Variants in CEP128 observed in about 807,000 individuals in gnomAD.
CEP128 encodes the protein centrosomal protein 128kDa.
CEP128 carries 132 observed loss-of-function variants against 156.7 expected under a neutral mutation model. The ratio of observed to expected loss-of-function variants is 0.84; its 90% CI spans 0.73 to 0.97. The LOEUF is 0.97. Ranked by LOEUF, CEP128 falls within the 50% of genes least tolerant of loss-of-function variation. The pLI is 0.00. For missense variants in CEP128, 1,252 were observed against 1,281.9 expected, an observed-to-expected ratio of 0.98 and a Z score of 0.36; for synonymous variants, 469 against 448.9, an observed-to-expected ratio of 1.04 and a Z score of -0.57.
intron 19 of CEP128, among the ~76,000 whole-genome samples, chr14:80,685,474 G>A (rs1259771938): frequency 2.6e-5 from 4 of 152,072 alleles, no homozygotes; most frequent in Non-Finnish European, 5.9e-5. Context: ...AACATTCCAT[G>A]CTCATGAATT....
intron 19 of CEP128, among the ~76,000 whole-genome samples, chr14:80,615,691 A>G (rs564390845): frequency 4.3e-4 from 65 of 152,260 alleles, no homozygotes; most frequent in Non-Finnish European, 7.2e-4. Flanking sequence ...TCTACTAAAA[A>G]TACAAAAATT....
intron 14 of CEP128, among the ~76,000 whole-genome samples, chr14:80,789,000 G>C (rs1276666727): frequency 6.6e-6 from 1 of 152,118 alleles, no homozygotes. Flanking sequence ...GAATGGATAG[G>C]GGGAGGCAGG....
At chr14:80,503,112 T>C (rs917951230) in intron 24 of CEP128, among the ~76,000 whole-genome samples, 1 of 152,040 alleles carries the variant, frequency 6.6e-6, no homozygotes, top group African/African-American at 2.4e-5. Flanking sequence ...ACAAGAAAAA[T>C]AGTAAAACAA....
chr14:80,609,768 G>C (rs574312875), intron 19 of CEP128, among the ~76,000 whole-genome samples: 1 of 151,396 alleles, frequency 6.6e-6, no homozygotes, highest in African/African-American at 2.4e-5. Context: ...GCAATAAGAA[G>C]GAAACACCTG....
chr14:80,784,828 C>T (rs1901309350), intron 15 of CEP128, 67 bp downstream of exon 15: 10 of 1,315,874 alleles, frequency 7.6e-6, no homozygotes, highest in South Asian at 1.4e-5. Flanking sequence ...AAAGTTTACG[C>T]TTTATTAACT....
intron 19 of CEP128, among the ~76,000 whole-genome samples, chr14:80,684,317 C>T (rs981683073): frequency 1.3e-5 from 2 of 152,058 alleles, no homozygotes; most frequent in African/African-American, 4.8e-5. Flanking sequence ...TTACAAACAC[C>T]TCTATGCATA....
At chr14:80,881,212 A>C (rs1888537927) in intron 8 of CEP128, among the ~76,000 whole-genome samples, 1 of 152,128 alleles carries the variant, frequency 6.6e-6, no homozygotes, top group Non-Finnish European at 1.5e-5. Context: ...GATCCAAATA[A>C]ATAAAATCAG....
chr14:80,860,702 G>T (rs554098423), intron 9 of CEP128, among the ~76,000 whole-genome samples: 1 of 151,720 alleles, frequency 6.6e-6, no homozygotes, highest in East Asian at 1.9e-4. Context: ...AACTTACAAG[G>T]GTATGTCTTC....
intron 2 of CEP128, among the ~76,000 whole-genome samples, chr14:80,929,943 G>T (rs1449227223): frequency 6.6e-6 from 1 of 152,200 alleles, no homozygotes; most frequent in Non-Finnish European, 1.5e-5. Flanking sequence ...GTGAACAGCG[G>T]GTGGGTGAGC....
intron 8 of CEP128, among the ~76,000 whole-genome samples, chr14:80,863,122 T>G (rs1887600044): frequency 6.6e-6 from 1 of 152,222 alleles, no homozygotes; most frequent in African/African-American, 2.4e-5. Flanking sequence ...TCAAATTTTT[T>G]GAGGTATGAT....
intron 19 of CEP128, among the ~76,000 whole-genome samples, chr14:80,643,935 G>C (rs1418651287): frequency 1.3e-5 from 2 of 152,148 alleles, no homozygotes; most frequent in East Asian, 1.9e-4. Flanking sequence ...GTGAGTCAAG[G>C]ATTTGAAGAT....
At chr14:80,552,287 G>A (rs940902877) in intron 21 of CEP128, among the ~76,000 whole-genome samples, 5 of 149,918 alleles carry the variant, frequency 3.3e-5, no homozygotes, top group Non-Finnish European at 7.4e-5. Context: ...TCCAGCCTGG[G>A]TGACAGAGTG....
chr14:80,507,693 TG>T lies in CEP128; in HGVS notation c.3073-2674del, dbSNP rs544372179. Among the ~76,000 whole-genome samples, 22 of 152,226 alleles carry T rather than the reference TG, an allele frequency of 1.4e-4. No individual in the cohort carries two copies. In the East Asian group the frequency reaches 4.3e-3, roughly 30 times the overall value. The stretch of plus-strand genomic sequence containing the variant: ...CTAACGCCACAACTGAGACAGACAG[TG>T]AGAGGACAGGAGTAGAGACACAGGT... On this transcript the variant is annotated intron_variant, in intron 23 of 24. Transcript: ENST00000555265.
At chr14:80,891,093 ACT>A (rs1467105118) in intron 8 of CEP128, among the ~76,000 whole-genome samples, 1 of 152,130 alleles carries the variant, frequency 6.6e-6, no homozygotes, top group African/African-American at 2.4e-5. Flanking sequence ...ACTCTCCCAC[ACT>A]GTTGATGGGA....
At chr14:80,537,452 A>C (rs1163946417) in intron 21 of CEP128, among the ~76,000 whole-genome samples, 1 of 152,138 alleles carries the variant, frequency 6.6e-6, no homozygotes, top group African/African-American at 2.4e-5. Flanking sequence ...CTTTCATATC[A>C]TTCTTGCCAC....
chr14:80,746,356 A>C (rs1236642039), intron 18 of CEP128, among the ~76,000 whole-genome samples: 1 of 152,204 alleles, frequency 6.6e-6, no homozygotes, highest in East Asian at 1.9e-4. Context: ...AAGCTACAGT[A>C]GTCAAGATGG....
intron 19 of CEP128, among the ~76,000 whole-genome samples, chr14:80,673,671 A>AAAAAAAAG (rs1895944752): frequency 2.1e-5 from 3 of 145,922 alleles, no homozygotes; most frequent in East Asian, 2.0e-4. Context: ...AAAAAAAAAA[A>AAAAAAAAG]TGTACTAAAG....
At chr14:80,542,371 G>A (rs1889803758) in intron 21 of CEP128, among the ~76,000 whole-genome samples, 1 of 151,966 alleles carries the variant, frequency 6.6e-6, no homozygotes, top group South Asian at 2.1e-4. Flanking sequence ...ATTGTGGCAA[G>A]AAAAATACTG....
intron 19 of CEP128, among the ~76,000 whole-genome samples, chr14:80,590,164 A>T (rs1891988232): frequency 6.6e-6 from 1 of 152,174 alleles, no homozygotes; most frequent in South Asian, 2.1e-4. Flanking sequence ...TCCTCACAGA[A>T]CTGGGTATTC....
Sources: gnomAD v4.1 joint callset for allele counts (sites outside exome capture counted in the v4.1 genomes callset) on GRCh38, gnomAD v4.1.1 for gene constraint, MANE v1.5 for transcripts, NCBI Gene and HGNC (gene_info 2026-07-23, HGNC 2026-07-21) for gene names.